Variants in VPS4A observed in about 807,000 individuals in gnomAD.
VPS4A encodes vacuolar protein sorting 4 homolog A, also known as vacuolar protein sorting-associated protein 4A.
A neutral mutation model predicts 52.3 loss-of-function variants in VPS4A; 20 were observed. That is an observed-to-expected ratio of 0.38 (90% confidence interval 0.27 to 0.56). VPS4A has a LOEUF of 0.56. Ranked by LOEUF, VPS4A falls within the 20% of genes least tolerant of loss-of-function variation. The pLI is 0.72. For synonymous variants in VPS4A, 293 were observed against 227.7 expected (o/e 1.29, Z -2.58); for missense variants, 419 against 575.9 (o/e 0.73, Z 2.79).
chr16:69,322,571 C>A lies in VPS4A; in HGVS notation c.1083C>A (p.Pro361=), dbSNP rs745313983. The A allele has an allele frequency of 1.9e-6, 3 of 1,613,280 alleles. No individual in the cohort carries two copies. The highest frequency in any genetic ancestry group is 2.5e-6 in the Non-Finnish European group (3 of 1,179,622). The part of the protein sequence containing the change: ...SATHFKKVCG[P]SRTNPSMMID... ...CCATTTGGTTTCAGGTCTGTGGCCC[C>A]TCTCGCACCAACCCCAGCATGATGA... The change falls in exon 10 of 11, where the codon CCC becomes CCA. Residue 361 remains proline (P), a synonymous_variant. Coordinates refer to ENST00000254950, the MANE Select transcript of VPS4A (RefSeq NM_013245.3).
chr16:69,317,315 C>T (rs1384936236), intron 3 of VPS4A, among the ~76,000 whole-genome samples: 3 of 152,184 alleles, frequency 2.0e-5, no homozygotes, highest in African/African-American at 7.2e-5. Context: ...TGTCCTTCGG[C>T]AGTGGCTGCT....
At chr16:69,311,822 C>A (rs1167875786) in intron 1 of VPS4A, among the ~76,000 whole-genome samples, 1 of 152,252 alleles carries the variant, frequency 6.6e-6, no homozygotes. Context: ...ACCCGAGCCG[C>A]ACAGGCACCC....
chr16:69,317,206 A>T (rs189338533), intron 3 of VPS4A, among the ~76,000 whole-genome samples: 254 of 151,958 alleles, frequency 1.7e-3, no homozygotes, highest in South Asian at 4.6e-3. Flanking sequence ...TCAAGTTTTG[A>T]GGATGACAGA....
In VPS4A at chr16:69,320,993, T is replaced by A. The variant is rs1965502715; in HGVS notation, c.852-58T>A. The A allele has an allele frequency of 2.6e-6, 4 of 1,510,038 alleles. No individual in the cohort carries two copies. The East Asian group carries it at 9.9e-5, about 37-fold the overall frequency. 93.5% of individuals were successfully genotyped at this position (1,510,038 alleles called of 1,614,324 possible). A position where few individuals can be genotyped will look rare whatever the true frequency, so the allele number is the denominator to read the frequency against. On this transcript the variant is annotated intron_variant, in intron 8 of 10. Transcript: ENST00000254950. This position sits in a 1 kb window ranked among gnomAD's most constrained non-coding sequence, Gnocchi z 4.2. ...TCACTCAAATCTTCGTGCCTCCCCT[T>A]CCGTGAATACCATTCCATCATCCGC...
rs1414113361 is a variant in VPS4A at position 69,320,638 on chromosome 16, G to C, written c.770-50G>C. 6.6e-7 allele frequency: 1 copy of C among 1,516,130 alleles called. No homozygotes were observed. 93.9% of individuals were successfully genotyped at this position (1,516,130 alleles called of 1,614,324 possible). A position where few individuals can be genotyped will look rare whatever the true frequency, so the allele number is the denominator to read the frequency against. ...CGGGGTCTGTCCCCAGGTTTCAACTGACCCGTGCAGGTGTCCAGAGTCTGA... is the reference window on the plus strand; with the variant it reads ...CGGGGTCTGTCCCCAGGTTTCAACTCACCCGTGCAGGTGTCCAGAGTCTGA... On this transcript the variant is annotated intron_variant, in intron 7 of 10. Coordinates refer to ENST00000254950, the MANE Select transcript of VPS4A (RefSeq NM_013245.3). This position sits in a 1 kb window ranked among gnomAD's most constrained non-coding sequence, Gnocchi z 4.2.
rs1373375149 is a variant in VPS4A, at chr16:69,325,746, A to AG, written c.*1437_*1438insG. Reference sequence around the variant, plus strand: ...AGACTCTGTCTCAAAAAAAAAAAAAAAGTCGAGAGTTGACATAAAAATTCA... The same window carrying AG: ...AGACTCTGTCTCAAAAAAAAAAAAAAGAGTCGAGAGTTGACATAAAAATTCA... On this transcript the variant is annotated 3_prime_UTR_variant, in exon 11 of 11. Coordinates refer to ENST00000254950, the MANE Select transcript of VPS4A (RefSeq NM_013245.3). 1 of 151,900 alleles carries AG rather than the reference A, an allele frequency of 6.6e-6. No homozygotes were observed. Among genetic ancestry groups the AG allele is most frequent in the Non-Finnish European group, 1.5e-5 (1 of 68,022 alleles). 9.4% of individuals were successfully genotyped at this position (151,900 alleles called of 1,614,324 possible).
rs973534430 is a variant in VPS4A, at chr16:69,316,507, T to A, written c.281+135T>A. The A allele has an allele frequency of 2.5e-6, 3 of 1,215,178 alleles. No individual in the cohort carries two copies. In the African/African-American group the frequency reaches 4.6e-5, roughly 19 times the overall value. 75.3% of individuals were successfully genotyped at this position (1,215,178 alleles called of 1,614,324 possible). Reference sequence around the variant, plus strand: ...CAGGGATGACAGTGCCAGCAGCTGCTTTCAGGGAGCATGGCCTGGAGCACT... The same window carrying A: ...CAGGGATGACAGTGCCAGCAGCTGCATTCAGGGAGCATGGCCTGGAGCACT... On this transcript the variant is annotated intron_variant, in intron 3 of 10. Coordinates refer to ENST00000254950, the MANE Select transcript of VPS4A (RefSeq NM_013245.3).
At chr16:69,311,950 C>A (rs1010183946) in intron 1 of VPS4A, among the ~76,000 whole-genome samples, 1 of 152,236 alleles carries the variant, frequency 6.6e-6, no homozygotes, top group East Asian at 1.9e-4. Context: ...GACCTCACTT[C>A]GAACAAGCCC....
At chr16:69,316,441 A>C in intron 3 of VPS4A, 69 bp downstream of exon 3, 3 of 1,581,852 alleles carry the variant, frequency 1.9e-6, no homozygotes, top group Non-Finnish European at 8.6e-7. Context: ...CCTGGCGCTC[A>C]TGCTGCCTTG....
intron 10 of VPS4A, 107 bp downstream of exon 10, chr16:69,322,807 C>G: frequency 1.4e-6 from 2 of 1,402,820 alleles, no homozygotes; most frequent in Non-Finnish European, 1.9e-6. Context: ...TGGTAGCTCA[C>G]GCCTGTAATC....
intron 1 of VPS4A, among the ~76,000 whole-genome samples, chr16:69,315,571 TCTC>T (rs1260272592): frequency 5.3e-5 from 8 of 152,190 alleles, no homozygotes; most frequent in African/African-American, 1.7e-4. Flanking sequence ...GGCTGGCTCT[TCTC>T]TGGCCCTGAG....
chr16:69,322,617 T>C lies in VPS4A; in HGVS notation c.1129T>C (p.Cys377Arg). The change falls in exon 10 of 11, where the codon TGC (cysteine) becomes CGC (arginine). Residue 377 changes from cysteine to arginine, a missense_variant. Cys to Arg is a radical substitution (Grantham distance 180, BLOSUM62 -3). Transcript: ENST00000254950. ...SMMIDDLLTPCSPGDPGAMEM... is the reference protein window; with the variant it reads ...SMMIDDLLTPRSPGDPGAMEM... ...GATGATTGATGACCTCCTGACTCCA[T>C]GCTCACCAGGGGACCCAGGAGCCAT... 1 of 1,613,886 alleles carries C rather than the reference T, an allele frequency of 6.2e-7. No individual in the cohort carries two copies.
In VPS4A at chr16:69,324,297, G is replaced by A; in HGVS notation, c.1302G>A (p.Gly434=). 6.2e-7 allele frequency: 1 copy of A among 1,613,784 alleles called. No homozygotes were observed. Among genetic ancestry groups the A allele is most frequent in the Non-Finnish European group, 8.5e-7 (1 of 1,179,830 alleles). ...LKVKKFSEDF[G]QES ...TGAAGAAATTCTCAGAGGACTTTGG[G>A]CAAGAGAGTTAAAAGCTGCTTCACT... Residue 434 remains glycine (G), a synonymous_variant, in exon 11 of 11, where the codon GGG becomes GGA. Coordinates refer to ENST00000254950, the MANE Select transcript of VPS4A (RefSeq NM_013245.3).
intron 3 of VPS4A, among the ~76,000 whole-genome samples, chr16:69,317,221 A>G (rs1407573060): frequency 1.3e-5 from 2 of 149,232 alleles, no homozygotes; most frequent in African/African-American, 5.0e-5. Context: ...GACAGATTCC[A>G]TCCAGGGAGG....
chr16:69,312,570 T>C (rs1016694273), intron 1 of VPS4A, among the ~76,000 whole-genome samples: 1 of 152,122 alleles, frequency 6.6e-6, no homozygotes, highest in East Asian at 1.9e-4. Context: ...ACCGAGAATG[T>C]TTTTCAGTTT....
intron 3 of VPS4A, among the ~76,000 whole-genome samples, chr16:69,317,011 T>A (rs566776169): frequency 3.9e-5 from 6 of 151,916 alleles, no homozygotes; most frequent in Non-Finnish European, 8.8e-5. Flanking sequence ...ATGCTGGTGG[T>A]ATCTCGGAGG....
Position 69,321,326 on chromosome 16 carries a change from GTTT to G in VPS4A, c.1071+64_1071+66del. 7.2e-7 allele frequency: 1 copy of G among 1,391,844 alleles called. No homozygotes were observed. The highest frequency in any genetic ancestry group is 1.4e-5 in the African/African-American group (1 of 68,986). The allele number at this position is 1,391,844 out of a possible 1,614,324, so 86.2% of individuals were successfully genotyped here. On this transcript the variant is annotated intron_variant, in intron 9 of 10. Coordinates refer to ENST00000254950, the MANE Select transcript of VPS4A (RefSeq NM_013245.3). This position sits in a 1 kb window ranked among gnomAD's most constrained non-coding sequence, Gnocchi z 4.5. ...TCTCATAGTAAGAGCGGGATGTTCG[GTTT>G]TTTTTTTCCCAGCTCCTGGTCCTGC...
At chr16:69,323,978 G>T (rs780887355) in intron 10 of VPS4A, among the ~76,000 whole-genome samples, 1 of 149,572 alleles carries the variant, frequency 6.7e-6, no homozygotes, top group Admixed American at 6.6e-5. Flanking sequence ...AAGCAAGTTC[G>T]TAAGGGGAGT....
Position 69,320,113 on chromosome 16 carries a change from G to A in VPS4A, c.621-28G>A, listed in dbSNP as rs569486241. 5 of 1,605,686 alleles carry A rather than the reference G, an allele frequency of 3.1e-6. No individual in the cohort carries two copies. The Admixed American group carries it at 5.0e-5, about 16-fold the overall frequency. On this transcript the variant is annotated intron_variant, in intron 6 of 10. Transcript: ENST00000254950. The surrounding 1 kb of genome is among the most constrained non-coding windows in gnomAD (Gnocchi z 4.2). ...AGGCGGGCACGGACGTGAACGTCTT[G>A]TCCTCACCCCCTTTCTCACCTTCAC...
Sources: allele counts gnomAD v4.1 joint callset (sites outside exome capture counted in the v4.1 genomes callset), GRCh38; gene constraint gnomAD v4.1.1; non-coding constraint Gnocchi (gnomAD v3.1); transcripts MANE v1.5; gene names NCBI Gene and HGNC (gene_info 2026-07-23, HGNC 2026-07-21).